CSMD1: variants seen among roughly 807,000 people sequenced by gnomAD.
CSMD1 encodes the protein CUB and sushi domain-containing protein 1.
Under a neutral mutation model 417.5 loss-of-function variants are expected in CSMD1, and 213 were observed. That is an observed-to-expected ratio of 0.51 (90% CI 0.46 to 0.57). The LOEUF (loss-of-function observed/expected upper bound fraction) is 0.57. Among genes scored for constraint, CSMD1 ranks in the 20% least tolerant of loss-of-function variants. CSMD1 has a pLI of 0.00. For missense variants in CSMD1, 6,923 were observed against 4,529.7 expected (o/e 1.53, Z -15.17); for synonymous variants, 2,862 against 1,736.8 (o/e 1.65, Z -16.11).
chr8:3,749,780 A>G lies in CSMD1; in HGVS notation c.931+4150T>C, dbSNP rs1163259703. Among the ~76,000 whole-genome samples the G allele has an allele frequency of 2.0e-5, 3 of 151,604 alleles. No homozygotes were observed. In the East Asian group the frequency reaches 5.8e-4, roughly 29 times the overall value. ...GTATGTGAGAGTCACCCATGTCGTT[A>G]CATGTAGAGGTAGTTTCTCTCTTTC... is the stretch of plus-strand genomic sequence containing the variant. On this transcript the variant is annotated intron_variant, in intron 6 of 69. Coordinates refer to ENST00000635120, the MANE Select transcript of CSMD1 (RefSeq NM_033225.6).
chr8:4,239,561 C>G (rs1472182883), intron 3 of CSMD1, among the ~76,000 whole-genome samples: 1 of 152,182 alleles, frequency 6.6e-6, no homozygotes, highest in Non-Finnish European at 1.5e-5. Context: ...TTATGTGCCA[C>G]CCCATAACCC....
intron 2 of CSMD1, among the ~76,000 whole-genome samples, chr8:4,471,091 T>A (rs1800504971): frequency 6.6e-6 from 1 of 152,208 alleles, no homozygotes; most frequent in Admixed American, 6.5e-5. Flanking sequence ...GACATATTTG[T>A]TTTGTATTTG....
chr8:4,246,746 TAAAG>T (rs1563331239), intron 3 of CSMD1, among the ~76,000 whole-genome samples: 1 of 152,112 alleles, frequency 6.6e-6, no homozygotes, highest in Non-Finnish European at 1.5e-5. Context: ...TTTATTTAAA[TAAAG>T]AAAACAGGAT....
In CSMD1 at chr8:4,027,405, G is replaced by T. The variant is rs558773987; in HGVS notation, c.610+4500C>A. Among the ~76,000 whole-genome samples the T allele has an allele frequency of 5.9e-5, 9 of 152,266 alleles. No homozygotes were observed. The South Asian group carries it at 1.9e-3, about 32-fold the overall frequency. On this transcript the variant is annotated intron_variant, in intron 4 of 69. Transcript: ENST00000635120. ...CCCCTAATCCCCATGAGTTGGGGAG[G>T]CACATTGTGGGAGGTGATTAGATCA...
chr8:3,854,289 A>G (rs1804138720), intron 5 of CSMD1, among the ~76,000 whole-genome samples: 1 of 151,686 alleles, frequency 6.6e-6, no homozygotes, highest in South Asian at 2.1e-4. Flanking sequence ...AATTCTTGTA[A>G]GGTGAAATTT....
At chr8:4,571,868 C>T (rs545311408) in intron 2 of CSMD1, among the ~76,000 whole-genome samples, 16 of 152,288 alleles carry the variant, frequency 1.1e-4, no homozygotes, top group Admixed American at 9.2e-4. Flanking sequence ...GATCCCTTTA[C>T]CATTATGTAA....
intron 1 of CSMD1, among the ~76,000 whole-genome samples, chr8:4,900,093 G>C (rs572570874): frequency 6.6e-6 from 1 of 152,004 alleles, no homozygotes; most frequent in Non-Finnish European, 1.5e-5. Context: ...TTCCACTGCA[G>C]ACTCACCTTC....
At chr8:4,896,806 G>A (rs113407587) in intron 1 of CSMD1, among the ~76,000 whole-genome samples, 9,527 of 152,056 alleles carry the variant, frequency 0.063, 414 homozygotes, top group Middle Eastern at 0.1. Flanking sequence ...TAGGGCGGGG[G>A]GAAGTGCAGG....
chr8:3,258,885 A>G (rs1800851416), intron 26 of CSMD1, among the ~76,000 whole-genome samples: 1 of 152,212 alleles, frequency 6.6e-6, no homozygotes, highest in Non-Finnish European at 1.5e-5. Flanking sequence ...ACTGGGAGCT[A>G]AACGATGAGA....
At chr8:4,776,350 T>C (rs1231291209) in intron 1 of CSMD1, among the ~76,000 whole-genome samples, 1 of 152,196 alleles carries the variant, frequency 6.6e-6, no homozygotes, top group Non-Finnish European at 1.5e-5. Flanking sequence ...TACTAAGTTT[T>C]GAACAACTGC....
intron 1 of CSMD1, among the ~76,000 whole-genome samples, chr8:4,842,953 G>A (rs9650483): frequency 0.015 from 2,279 of 152,282 alleles, 35 homozygotes; most frequent in Non-Finnish European, 0.025. Context: ...GTGAAAATCA[G>A]CAGATTCTCA....
intron 54 of CSMD1, among the ~76,000 whole-genome samples, chr8:2,988,234 C>G (rs1033623293): frequency 6.6e-6 from 1 of 151,868 alleles, no homozygotes; most frequent in Non-Finnish European, 1.5e-5. Context: ...ATTCCTCTAC[C>G]CTAACAGAAC....
intron 10 of CSMD1, among the ~76,000 whole-genome samples, chr8:3,544,469 G>T (rs1007950921): frequency 3.3e-5 from 5 of 152,064 alleles, no homozygotes; most frequent in African/African-American, 4.8e-5. Context: ...CTCTGTCCAT[G>T]GAGTAGCTTG....
At chr8:3,472,195 CTGCAAGGTATAACATCAAGG>C (rs1376975465) in intron 11 of CSMD1, among the ~76,000 whole-genome samples, 4 of 152,102 alleles carry the variant, frequency 2.6e-5, no homozygotes, top group Non-Finnish European at 5.9e-5. Flanking sequence ...CTCCACTCTA[CTGCAAGGTATAACATCAAGG>C]TGCAAGGTAT....
At chr8:3,127,070 G>A (rs748730425) in intron 41 of CSMD1, among the ~76,000 whole-genome samples, 2 of 152,174 alleles carry the variant, frequency 1.3e-5, no homozygotes, top group African/African-American at 2.4e-5. Context: ...GATCTGCAGG[G>A]AGAACATCCG....
At chr8:3,528,739 T>G (rs1391255204) in intron 10 of CSMD1, among the ~76,000 whole-genome samples, 1 of 152,194 alleles carries the variant, frequency 6.6e-6, no homozygotes, top group Non-Finnish European at 1.5e-5. Context: ...TAGTGAATGT[T>G]CCAATTGCTG....
chr8:3,538,567 A>G (rs1169419987), intron 10 of CSMD1, among the ~76,000 whole-genome samples: 1 of 152,216 alleles, frequency 6.6e-6, no homozygotes, highest in Non-Finnish European at 1.5e-5. Flanking sequence ...GGCTAACCTG[A>G]GTTGCCTCCC....
chr8:4,395,703 G>A (rs997061985), intron 3 of CSMD1, among the ~76,000 whole-genome samples: 8 of 152,202 alleles, frequency 5.3e-5, no homozygotes, highest in African/African-American at 1.2e-4. Context: ...CATGTATGAT[G>A]AAGAGTCTTT....
intron 41 of CSMD1, among the ~76,000 whole-genome samples, chr8:3,141,546 T>C (rs912399124): frequency 2.2e-4 from 34 of 152,136 alleles, no homozygotes; most frequent in African/African-American, 8.0e-4. Context: ...GTTCCAAGTC[T>C]GAACCTCCCC....
Sources: allele counts gnomAD v4.1 joint callset (sites outside exome capture counted in the v4.1 genomes callset), GRCh38; gene constraint gnomAD v4.1.1; transcripts MANE v1.5; gene names NCBI Gene and HGNC (gene_info 2026-07-23, HGNC 2026-07-21).